CDK3: variants seen among roughly 807,000 people sequenced by gnomAD.
The protein encoded by CDK3 is cyclin-dependent kinase 3.
A neutral mutation model predicts 30.2 loss-of-function variants in CDK3; 24 were observed. That is an observed-to-expected ratio of 0.79 (90% CI 0.57 to 1.12). The LOEUF (loss-of-function observed/expected upper bound fraction) is 1.12, where lower values mean the gene tolerates loss of function less well. Among genes scored for constraint, CDK3 ranks in the 50% most tolerant of loss-of-function variants. The pLI is 0.00. For missense variants in CDK3, 345 were observed against 376.0 expected (o/e 0.92, Z 0.68); for synonymous variants, 158 against 154.2 (o/e 1.02, Z -0.18).
Position 76,005,410 on chromosome 17 carries a change from G to T in CDK3, c.905G>T (p.Arg302Leu), listed in dbSNP as rs377317846. 1 of 1,613,142 alleles carries T rather than the reference G, an allele frequency of 6.2e-7. No homozygotes were observed. The highest frequency in any genetic ancestry group is 2.2e-5 in the East Asian group (1 of 44,856). ...SPAARQYVLQRFRH is the reference protein window; with the variant it reads ...SPAARQYVLQLFRH Reference sequence around the variant, plus strand: ...GCTGCCCGCCAGTATGTGCTGCAGCGATTCCGCCATTGAGAATGTCAAGGC... The same window carrying T: ...GCTGCCCGCCAGTATGTGCTGCAGCTATTCCGCCATTGAGAATGTCAAGGC... Residue 302 changes from arginine to leucine, a missense_variant, in exon 8 of 8, where the codon CGA (arginine) becomes CTA (leucine). By Grantham distance (102) the Arg-to-Leu change is moderately radical (BLOSUM62 -2). Coordinates refer to ENST00000448471, the MANE Select transcript of CDK3 (RefSeq NM_001258.4). The surrounding 1 kb of genome is among the most constrained non-coding windows in gnomAD (Gnocchi z 4.7).
In CDK3 at chr17:76,001,722, T is replaced by A. The variant is rs1205249790; in HGVS notation, c.117-152T>A. On this transcript the variant is annotated intron_variant, in intron 2 of 7. Transcript: ENST00000448471. The surrounding 1 kb of genome is among the most constrained non-coding windows in gnomAD (Gnocchi z 6.2). ...CCAGCCTTTGCCGGGGCCCTGACTG[T>A]GGAGTTTGGTGGATGACGTGCCAAG... The A allele has an allele frequency of 1.1e-6, 1 of 902,994 alleles. No individual in the cohort carries two copies. Among genetic ancestry groups the A allele is most frequent in the Non-Finnish European group, 1.7e-6 (1 of 599,238 alleles). The allele number at this position is 902,994 out of a possible 1,614,324, so 55.9% of individuals were successfully genotyped here. A position where few individuals can be genotyped will look rare whatever the true frequency, so the allele number is the denominator to read the frequency against.
At chr17:76,003,447 A>T (rs748761205) in intron 7 of CDK3, 49 bp downstream of exon 7, 2 of 1,505,940 alleles carry the variant, frequency 1.3e-6, no homozygotes, top group South Asian at 1.1e-5. Context: ...GTTTCCCCTC[A>T]TCAGCCAGCC....
In CDK3 at chr17:76,005,307, C is replaced by A; in HGVS notation, c.802C>A (p.Gln268Lys). 6.2e-7 allele frequency: 1 copy of A among 1,613,942 alleles called. No individual in the cohort carries two copies. Among genetic ancestry groups the A allele is most frequent in the Non-Finnish European group, 8.5e-7 (1 of 1,179,904 alleles). ...EGRDLLMQLL[Q>K]YDPSQRITAK... ...CCTTCTTTCTTCCTAGCAACTCCTG[C>A]AGTATGACCCCAGCCAGCGGATCAC... The change falls in exon 8 of 8, where the codon CAG becomes AAG. Residue 268 changes from glutamine to lysine, a missense_variant. By Grantham distance (53) the Gln-to-Lys change is moderately conservative. Coordinates refer to ENST00000448471, the MANE Select transcript of CDK3 (RefSeq NM_001258.4). This position sits in a 1 kb window ranked among gnomAD's most constrained non-coding sequence, Gnocchi z 4.7.
At position 76,001,330 on chromosome 17, in the gene CDK3, G is replaced by C. The variant is rs1225951533; in HGVS notation, c.-14-82G>C. 5.7e-6 allele frequency: 9 copies of C among 1,580,646 alleles called. No individual in the cohort carries two copies. Among genetic ancestry groups the C allele is most frequent in the Non-Finnish European group, 6.9e-6 (8 of 1,165,850 alleles). On this transcript the variant is annotated intron_variant, in intron 1 of 7. Coordinates refer to ENST00000448471, the MANE Select transcript of CDK3 (RefSeq NM_001258.4). This position sits in a 1 kb window ranked among gnomAD's most constrained non-coding sequence, Gnocchi z 6.2. ...GGCAGTCTGGGCTGGGCTGGGCTGG[G>C]CAGGGCGCCACATGGAAGCTGGAGG...
chr17:76,002,697 G>C lies in CDK3; in HGVS notation c.588+85G>C, dbSNP rs998304538. 4.0e-6 allele frequency: 3 copies of C among 745,130 alleles called. No individual in the cohort carries two copies. The highest frequency in any genetic ancestry group is 7.4e-6 in the Non-Finnish European group (3 of 402,844). 46.2% of individuals were successfully genotyped at this position (745,130 alleles called of 1,614,324 possible). On this transcript the variant is annotated intron_variant, in intron 6 of 7. Coordinates refer to ENST00000448471, the MANE Select transcript of CDK3 (RefSeq NM_001258.4). This position sits in a 1 kb window ranked among gnomAD's most constrained non-coding sequence, Gnocchi z 4.3. ...GTGGGGTCCACTGATGCTCCCATTC[G>C]AGGCGGATTAAAGAGTGTTTGGGGC...
In CDK3 at chr17:76,003,276, G is replaced by A. The variant is rs761930662; in HGVS notation, c.670G>A (p.Glu224Lys). 23 of 1,613,998 alleles carry A rather than the reference G, an allele frequency of 1.4e-5. No homozygotes were observed. In the East Asian group the frequency reaches 3.6e-4, roughly 25 times the overall value. Reference protein sequence around the residue: ...RIFRMLGTPSEDTWPGVTQLP... With the variant: ...RIFRMLGTPSKDTWPGVTQLP... ...CTTTCGTATGCTGGGGACACCCAGC[G>A]AAGACACATGGCCCGGGGTCACCCA... is the stretch of plus-strand genomic sequence containing the variant. The change falls in exon 7 of 8, where the codon GAA becomes AAA. Residue 224 changes from glutamate to lysine, a missense_variant. Transcript: ENST00000448471.
Position 76,002,222 on chromosome 17 carries a change from G to A in CDK3, c.316-26G>A. 1 of 1,612,334 alleles carries A rather than the reference G, an allele frequency of 6.2e-7. No homozygotes were observed. The highest frequency in any genetic ancestry group is 8.5e-7 in the Non-Finnish European group (1 of 1,179,518). ...TCCACGCAGCACCTCCGCTCAGCTG[G>A]CTGCACCTCGCGCTCGTTTCTCCAG... On this transcript the variant is annotated intron_variant, in intron 4 of 7. Transcript: ENST00000448471. This position sits in a 1 kb window ranked among gnomAD's most constrained non-coding sequence, Gnocchi z 4.3.
rs1412400026 is a variant in CDK3, at chr17:76,001,234, C to T, written c.-14-178C>T. The T allele has an allele frequency of 8.9e-6, 13 of 1,457,800 alleles. No homozygotes were observed. Among genetic ancestry groups the T allele is most frequent in the African/African-American group, 2.8e-5 (2 of 70,672 alleles). The allele number at this position is 1,457,800 out of a possible 1,614,324, so 90.3% of individuals were successfully genotyped here. A position where few individuals can be genotyped will look rare whatever the true frequency, so the allele number is the denominator to read the frequency against. ...GCTGGGCTGGGTGAGGGGCGGTTTCCGACCCCCAGCCAGGTTCCCAGGCAG... is the reference window on the plus strand; with the variant it reads ...GCTGGGCTGGGTGAGGGGCGGTTTCTGACCCCCAGCCAGGTTCCCAGGCAG... On this transcript the variant is annotated intron_variant, in intron 1 of 7. Transcript: ENST00000448471. The surrounding 1 kb of genome is among the most constrained non-coding windows in gnomAD (Gnocchi z 6.2).
In CDK3 at chr17:76,005,424, G is replaced by A. The variant is rs2066305721; in HGVS notation, c.*1G>A. The A allele has an allele frequency of 6.2e-7, 1 of 1,612,592 alleles. No individual in the cohort carries two copies. Among genetic ancestry groups the A allele is most frequent in the Non-Finnish European group, 8.5e-7 (1 of 1,179,068 alleles). ...TGTGCTGCAGCGATTCCGCCATTGA[G>A]AATGTCAAGGCCACACTCAGATCCT... On this transcript the variant is annotated 3_prime_UTR_variant, in exon 8 of 8. Transcript: ENST00000448471. This position sits in a 1 kb window ranked among gnomAD's most constrained non-coding sequence, Gnocchi z 4.7.
Position 76,005,580 on chromosome 17 carries a change from GTT to G in CDK3, c.*158_*159del. The G allele has an allele frequency of 1.2e-6, 1 of 836,402 alleles. No individual in the cohort carries two copies. Among genetic ancestry groups the G allele is most frequent in the Non-Finnish European group, 1.8e-6 (1 of 556,158 alleles). The allele number at this position is 836,402 out of a possible 1,614,324, so 51.8% of individuals were successfully genotyped here. ...GAGTCTGGGTTAGTCCTGCCCGCAGGTTAGCGAGATCCTGTGTTGTTTTTTGG... is the reference window on the plus strand; with the variant it reads ...GAGTCTGGGTTAGTCCTGCCCGCAGGAGCGAGATCCTGTGTTGTTTTTTGG... On this transcript the variant is annotated 3_prime_UTR_variant, in exon 8 of 8. Coordinates refer to ENST00000448471, the MANE Select transcript of CDK3 (RefSeq NM_001258.4). The surrounding 1 kb of genome is among the most constrained non-coding windows in gnomAD (Gnocchi z 4.7).
In CDK3 at chr17:76,002,108, C is replaced by T. The variant is rs764397013; in HGVS notation, c.281C>T (p.Thr94Ile). 1.2e-6 allele frequency: 2 copies of T among 1,613,828 alleles called. No homozygotes were observed. Among genetic ancestry groups the T allele is most frequent in the Admixed American group, 1.7e-5 (1 of 59,966 alleles). Reference protein sequence around the residue: ...SQDLKKYMDSTPGSELPLHLI... With the variant: ...SQDLKKYMDSIPGSELPLHLI... ...GACCTGAAGAAGTACATGGACTCCA[C>T]CCCAGGCTCAGAGCTCCCCCTGCAC... The change falls in exon 4 of 8, where the codon ACC becomes ATC. Residue 94 changes from threonine to isoleucine, a missense_variant. Coordinates refer to ENST00000448471, the MANE Select transcript of CDK3 (RefSeq NM_001258.4). The surrounding 1 kb of genome is among the most constrained non-coding windows in gnomAD (Gnocchi z 4.3).
chr17:76,003,259 T>C lies in CDK3; in HGVS notation c.653T>C (p.Met218Thr). The change falls in exon 7 of 8, where the codon ATG (methionine) becomes ACG (threonine). Residue 218 changes from methionine to threonine, a missense_variant. Coordinates refer to ENST00000448471, the MANE Select transcript of CDK3 (RefSeq NM_001258.4). ...GACCAGCTCTTTCGTATCTTTCGTA[T>C]GCTGGGGACACCCAGCGAAGACACA... ...EIDQLFRIFR[M>T]LGTPSEDTWP... 6.2e-7 allele frequency: 1 copy of C among 1,614,218 alleles called. No individual in the cohort carries two copies. Among genetic ancestry groups the C allele is most frequent in the Non-Finnish European group, 8.5e-7 (1 of 1,180,036 alleles).
Position 76,005,464 on chromosome 17 carries a change from C to A in CDK3, c.*41C>A. On this transcript the variant is annotated 3_prime_UTR_variant, in exon 8 of 8. Coordinates refer to ENST00000448471, the MANE Select transcript of CDK3 (RefSeq NM_001258.4). This position sits in a 1 kb window ranked among gnomAD's most constrained non-coding sequence, Gnocchi z 4.7. ...ACTCAGATCCTTTCTCGAGCAGCTGCTGCCCCAGCTGCCTCCTACCCATTG... is the reference window on the plus strand; with the variant it reads ...ACTCAGATCCTTTCTCGAGCAGCTGATGCCCCAGCTGCCTCCTACCCATTG... 1 of 1,587,906 alleles carries A rather than the reference C, an allele frequency of 6.3e-7. No homozygotes were observed. Among genetic ancestry groups the A allele is most frequent in the Non-Finnish European group, 8.6e-7 (1 of 1,162,626 alleles).
chr17:76,002,519 A>G lies in CDK3; in HGVS notation c.495A>G (p.Thr165=). The G allele has an allele frequency of 1.5e-6, 2 of 1,372,742 alleles. No homozygotes were observed. The highest frequency in any genetic ancestry group is 3.6e-4 in the Middle Eastern group (2 of 5,612). The allele number at this position is 1,372,742 out of a possible 1,614,324, so 85.0% of individuals were successfully genotyped here. A position where few individuals can be genotyped will look rare whatever the true frequency, so the allele number is the denominator to read the frequency against. The change falls in exon 6 of 8, where the codon ACA becomes ACG. Residue 165 remains threonine, a synonymous_variant. Transcript: ENST00000448471. This position sits in a 1 kb window ranked among gnomAD's most constrained non-coding sequence, Gnocchi z 4.3. ...GTTTCTTTGCCCTGCAGGTGGTGAC[A>G]CTGTGGTATCGCGCCCCCGAGATTC... The part of the protein sequence containing the change: ...PLRTYTHEVV[T]LWYRAPEILL...
chr17:76,001,232 T>C lies in CDK3; in HGVS notation c.-14-180T>C. On this transcript the variant is annotated intron_variant, in intron 1 of 7. Coordinates refer to ENST00000448471, the MANE Select transcript of CDK3 (RefSeq NM_001258.4). This position sits in a 1 kb window ranked among gnomAD's most constrained non-coding sequence, Gnocchi z 6.2. ...GGGCTGGGCTGGGTGAGGGGCGGTTTCCGACCCCCAGCCAGGTTCCCAGGC... is the reference window on the plus strand; with the variant it reads ...GGGCTGGGCTGGGTGAGGGGCGGTTCCCGACCCCCAGCCAGGTTCCCAGGC... 6.9e-7 allele frequency: 1 copy of C among 1,453,456 alleles called. No individual in the cohort carries two copies. Among genetic ancestry groups the C allele is most frequent in the East Asian group, 2.6e-5 (1 of 38,292 alleles). 90.0% of individuals were successfully genotyped at this position (1,453,456 alleles called of 1,614,324 possible).
rs966879944 is a variant in CDK3, at chr17:76,001,724, G to C, written c.117-150G>C. On this transcript the variant is annotated intron_variant, in intron 2 of 7. Coordinates refer to ENST00000448471, the MANE Select transcript of CDK3 (RefSeq NM_001258.4). This position sits in a 1 kb window ranked among gnomAD's most constrained non-coding sequence, Gnocchi z 6.2. ...AGCCTTTGCCGGGGCCCTGACTGTG[G>C]AGTTTGGTGGATGACGTGCCAAGGA... 2.3e-5 allele frequency: 21 copies of C among 917,782 alleles called. No homozygotes were observed. Among genetic ancestry groups the C allele is most frequent in the Non-Finnish European group, 3.3e-5 (20 of 612,472 alleles). The allele number at this position is 917,782 out of a possible 1,614,324, so 56.9% of individuals were successfully genotyped here. A position where few individuals can be genotyped will look rare whatever the true frequency, so the allele number is the denominator to read the frequency against.
chr17:76,003,275 C>A lies in CDK3; in HGVS notation c.669C>A (p.Ser223Arg). The A allele has an allele frequency of 6.2e-7, 1 of 1,614,048 alleles. No homozygotes were observed. The highest frequency in any genetic ancestry group is 8.5e-7 in the Non-Finnish European group (1 of 1,179,944). The change falls in exon 7 of 8, where the codon AGC becomes AGA. Residue 223 changes from serine (S) to arginine (R), a missense_variant. Coordinates refer to ENST00000448471, the MANE Select transcript of CDK3 (RefSeq NM_001258.4). ...FRIFRMLGTP[S>R]EDTWPGVTQL... Reference sequence around the variant, plus strand: ...TCTTTCGTATGCTGGGGACACCCAGCGAAGACACATGGCCCGGGGTCACCC... The same window carrying A: ...TCTTTCGTATGCTGGGGACACCCAGAGAAGACACATGGCCCGGGGTCACCC...
In CDK3 at chr17:76,005,420, T is replaced by C. The variant is rs764855928; in HGVS notation, c.915T>C (p.His305=). 4 of 1,612,936 alleles carry C rather than the reference T, an allele frequency of 2.5e-6. No individual in the cohort carries two copies. The highest frequency in any genetic ancestry group is 3.4e-6 in the Non-Finnish European group (4 of 1,179,240). The change falls in exon 8 of 8, where the codon CAT becomes CAC. Residue 305 remains histidine (H), a synonymous_variant. Coordinates refer to ENST00000448471, the MANE Select transcript of CDK3 (RefSeq NM_001258.4). This position sits in a 1 kb window ranked among gnomAD's most constrained non-coding sequence, Gnocchi z 4.7. Reference sequence around the variant, plus strand: ...AGTATGTGCTGCAGCGATTCCGCCATTGAGAATGTCAAGGCCACACTCAGA... The same window carrying C: ...AGTATGTGCTGCAGCGATTCCGCCACTGAGAATGTCAAGGCCACACTCAGA... The part of the protein sequence containing the change: ...ARQYVLQRFR[H]
intron 7 of CDK3, chr17:76,004,580 G>A (rs142301300): frequency 8.3e-4 from 127 of 152,390 alleles, no homozygotes; most frequent in Admixed American, 2.2e-3. Context: ...TCGAACTCCT[G>A]GGCTCAAGCG....
Sources: gnomAD v4.1 joint callset for allele counts on GRCh38, gnomAD v4.1.1 for gene constraint, Gnocchi (gnomAD v3.1) non-coding constraint, MANE v1.5 for transcripts, NCBI Gene and HGNC (gene_info 2026-07-23, HGNC 2026-07-21) for gene names.